KSR2: variants seen among roughly 807,000 people sequenced by gnomAD.
The protein encoded by KSR2 is kinase suppressor of ras 2.
A neutral mutation model predicts 107.8 loss-of-function variants in KSR2; 25 were observed. That is an observed-to-expected ratio of 0.23 (90% CI 0.17 to 0.32). The LOEUF is 0.32. Among genes scored for constraint, KSR2 ranks in the 10% least tolerant of loss-of-function variants. The probability of loss-of-function intolerance (pLI) is 1.00; values close to 1 mark genes in which losing one functional copy is unlikely to be tolerated. For synonymous variants in KSR2, 480 were observed against 507.0 expected, an observed-to-expected ratio of 0.95 and a Z score of 0.71; for missense variants, 887 against 1,268.9, an observed-to-expected ratio of 0.70 and a Z score of 4.57.
intron 10 of KSR2, among the ~76,000 whole-genome samples, chr12:117,535,741 G>C (rs1419043646): frequency 1.3e-5 from 2 of 151,900 alleles, no homozygotes; most frequent in African/African-American, 4.8e-5. Flanking sequence ...AAACCCATAA[G>C]ACAATCATTT....
intron 3 of KSR2, among the ~76,000 whole-genome samples, chr12:117,794,503 CACA>C (rs1262116376): frequency 3.2e-5 from 4 of 125,998 alleles, no homozygotes; most frequent in South Asian, 2.7e-4. Flanking sequence ...AACATGCACA[CACA>C]ACATGCACAC....
chr12:117,860,214 A>G (rs1796904780), intron 2 of KSR2, 77 bp downstream of exon 2: 2 of 1,490,462 alleles, frequency 1.3e-6, no homozygotes, highest in Non-Finnish European at 1.8e-6. Context: ...ACAGCCAGAA[A>G]CCTGCAGCTC....
chr12:117,462,827 CG>C lies in KSR2; in HGVS notation c.*4371del, dbSNP rs1870970657. 1 of 152,026 alleles carries C rather than the reference CG, an allele frequency of 6.6e-6. No homozygotes were observed. Among genetic ancestry groups the C allele is most frequent in the Admixed American group, 6.6e-5 (1 of 15,258 alleles). The allele number at this position is 152,026 out of a possible 1,614,324, so 9.4% of individuals were successfully genotyped here. On this transcript the variant is annotated 3_prime_UTR_variant, in exon 20 of 20. Transcript: ENST00000339824. ...GAGAACCAGTGTGGGGAAAGAAAGC[CG>C]GGGATGGGAATAAAATCACAGAGCG... is the stretch of plus-strand genomic sequence containing the variant.
intron 1 of KSR2, among the ~76,000 whole-genome samples, chr12:117,904,754 CT>C (rs1349679216): frequency 1.3e-5 from 2 of 152,194 alleles, no homozygotes; most frequent in African/African-American, 2.4e-5. Context: ...AGATTCCAAA[CT>C]CAAACCCTGC....
At chr12:117,844,820 T>A (rs1892636975) in intron 3 of KSR2, among the ~76,000 whole-genome samples, 1 of 152,108 alleles carries the variant, frequency 6.6e-6, no homozygotes, top group African/African-American at 2.4e-5. Context: ...CCTGTGTCCT[T>A]GGGAGTCAAC....
At chr12:117,901,878 G>A (rs1471327776) in intron 1 of KSR2, among the ~76,000 whole-genome samples, 1 of 152,104 alleles carries the variant, frequency 6.6e-6, no homozygotes, top group Admixed American at 6.6e-5. Context: ...TAACTGTAGA[G>A]CTTTATTACC....
At chr12:117,578,601 C>CAAA (rs66919524) in intron 7 of KSR2, among the ~76,000 whole-genome samples, 135 of 103,692 alleles carry the variant, frequency 1.3e-3, no homozygotes, top group African/African-American at 2.2e-3. Context: ...GACTCCATCT[C>CAAA]AAAAAAAAAA....
chr12:117,755,420 A>T (rs966797173), intron 4 of KSR2, among the ~76,000 whole-genome samples: 2 of 152,122 alleles, frequency 1.3e-5, no homozygotes, highest in African/African-American at 4.8e-5. Flanking sequence ...TAACTTTTTC[A>T]TTATTATTAT....
intron 5 of KSR2, among the ~76,000 whole-genome samples, chr12:117,589,658 T>C (rs1452483194): frequency 6.6e-6 from 1 of 152,210 alleles, no homozygotes; most frequent in Non-Finnish European, 1.5e-5. Context: ...TCCCACTGAT[T>C]TATCCAAGGC....
At chr12:117,801,283 ATTTTTTT>A (rs35746430) in intron 3 of KSR2, among the ~76,000 whole-genome samples, 7 of 136,028 alleles carry the variant, frequency 5.1e-5, no homozygotes, top group South Asian at 2.4e-4. Flanking sequence ...TGCCCGGCTA[ATTTTTTT>A]TTTTTTTTTT....
At chr12:117,748,756 T>C (rs1888505393) in intron 4 of KSR2, among the ~76,000 whole-genome samples, 1 of 152,164 alleles carries the variant, frequency 6.6e-6, no homozygotes, top group African/African-American at 2.4e-5. Flanking sequence ...ATTATACTTA[T>C]GATGACCTTT....
chr12:117,586,294 A>G lies in KSR2; in HGVS notation c.1172-3935T>C, dbSNP rs80281283. On this transcript the variant is annotated intron_variant, in intron 5 of 19. Transcript: ENST00000339824. ...GAGAAGAAAGAAGAAAATAAGAAAT[A>G]AGAAAAATAGGGCCGGGTGCGGTGA... 2.6e-5 allele frequency among the ~76,000 whole-genome samples: 4 copies of G among 152,232 alleles called. No homozygotes were observed. In the South Asian group the frequency reaches 8.3e-4, roughly 32 times the overall value.
chr12:117,743,761 C>A, intron 4 of KSR2, among the ~76,000 whole-genome samples: 1 of 152,200 alleles, frequency 6.6e-6, no homozygotes, highest in East Asian at 1.9e-4. Flanking sequence ...CATTGGTATA[C>A]AAATGCACTC....
At chr12:117,493,412 C>G (rs775722563) in intron 14 of KSR2, among the ~76,000 whole-genome samples, 1 of 152,110 alleles carries the variant, frequency 6.6e-6, no homozygotes, top group Non-Finnish European at 1.5e-5. Context: ...ACCATTTTCC[C>G]TCTTCTCATA....
At chr12:117,802,306 G>T (rs1329415979) in intron 3 of KSR2, among the ~76,000 whole-genome samples, 2 of 151,876 alleles carry the variant, frequency 1.3e-5, no homozygotes, top group African/African-American at 4.8e-5. Flanking sequence ...CCCTTATAAG[G>T]ACCTCTGGGA....
At chr12:117,473,052 C>T (rs1323213150) in intron 17 of KSR2, among the ~76,000 whole-genome samples, 1 of 152,164 alleles carries the variant, frequency 6.6e-6, no homozygotes, top group Admixed American at 6.5e-5. Context: ...ATTCCCCAGC[C>T]CCTATACACC....
chr12:117,728,367 T>G (rs1887525793), intron 4 of KSR2, among the ~76,000 whole-genome samples: 1 of 152,242 alleles, frequency 6.6e-6, no homozygotes, highest in Non-Finnish European at 1.5e-5. Context: ...GTCATTTTGT[T>G]ACACCTGTGC....
intron 2 of KSR2, among the ~76,000 whole-genome samples, chr12:117,858,811 A>G (rs1035214576): frequency 2.0e-5 from 3 of 152,196 alleles, no homozygotes; most frequent in African/African-American, 7.2e-5. Flanking sequence ...CCCACTCTGT[A>G]CAAGGGGGAT....
chr12:117,853,280 G>T lies in KSR2; in HGVS notation c.472+2148C>A, dbSNP rs111915212. ...GGTTGAATAAATTGTTAGTATTCAG[G>T]TATTAAAAATAAGAAGTGAATGCAT... On this transcript the variant is annotated intron_variant, in intron 3 of 19. Coordinates refer to ENST00000339824, the MANE Select transcript of KSR2 (RefSeq NM_173598.6). 7.0e-4 allele frequency among the ~76,000 whole-genome samples: 107 copies of T among 152,302 alleles called. 2 individuals carry two copies. In the Middle Eastern group the frequency reaches 0.01, roughly 15 times the overall value.
Sources: allele counts gnomAD v4.1 joint callset (sites outside exome capture counted in the v4.1 genomes callset), GRCh38; gene constraint gnomAD v4.1.1; transcripts MANE v1.5; gene names NCBI Gene and HGNC (gene_info 2026-07-23, HGNC 2026-07-21).